NKD1: variants seen among roughly 807,000 people sequenced by gnomAD.
The protein encoded by NKD1 is protein naked cuticle homolog 1.
Under a neutral mutation model 56.0 loss-of-function variants are expected in NKD1, and 21 were observed. That is an observed-to-expected ratio of 0.38 (90% CI 0.27 to 0.54). The LOEUF (loss-of-function observed/expected upper bound fraction) is 0.54, where lower values mean the gene tolerates loss of function less well. Among genes scored for constraint, NKD1 ranks in the 20% least tolerant of loss-of-function variants. The pLI is 0.82. For synonymous variants in NKD1, 263 were observed against 265.7 expected, an observed-to-expected ratio of 0.99 and a Z score of 0.10; for missense variants, 578 against 642.7, an observed-to-expected ratio of 0.90 and a Z score of 1.09.
At chr16:50,591,118 C>T (rs1371507660) in intron 3 of NKD1, among the ~76,000 whole-genome samples, 3 of 152,268 alleles carry the variant, frequency 2.0e-5, no homozygotes, top group African/African-American at 7.2e-5. Flanking sequence ...TCACTGTGCC[C>T]GGCCAGAATG....
At chr16:50,574,269 C>T in intron 3 of NKD1, 2 of 985,368 alleles carry the variant, frequency 2.0e-6, no homozygotes, top group Non-Finnish European at 2.4e-6. Flanking sequence ...CCTAGGTACA[C>T]AGGCCTTGGA....
At position 50,622,761 on chromosome 16, in the gene NKD1, C is replaced by T. The variant is rs544351066; in HGVS notation, c.366+1053C>T. On this transcript the variant is annotated intron_variant, in intron 5 of 9. Coordinates refer to ENST00000268459, the MANE Select transcript of NKD1 (RefSeq NM_033119.5). Reference sequence around the variant, plus strand: ...CTTTCTCACCAATGCTGATTGGCACCGGCTAATTGCCAGGGTACCCAGCTT... The same window carrying T: ...CTTTCTCACCAATGCTGATTGGCACTGGCTAATTGCCAGGGTACCCAGCTT... 5.3e-5 allele frequency among the ~76,000 whole-genome samples: 8 copies of T among 152,154 alleles called. 1 individual carries two copies. The highest frequency in any genetic ancestry group is 4.1e-4 in the South Asian group (2 of 4,830).
intron 3 of NKD1, chr16:50,555,761 C>T (rs1181506615): frequency 6.6e-6 from 1 of 152,146 alleles, no homozygotes; most frequent in Non-Finnish European, 1.5e-5. Flanking sequence ...GTCCTGCAGC[C>T]CCATGGCTGC....
At chr16:50,629,620 A>G (rs986703452) in intron 6 of NKD1, among the ~76,000 whole-genome samples, 3 of 152,086 alleles carry the variant, frequency 2.0e-5, no homozygotes, top group African/African-American at 7.2e-5. Flanking sequence ...GGTTGGGCAC[A>G]GTGGCTCATG....
chr16:50,573,586 G>T (rs758716056), intron 3 of NKD1, among the ~76,000 whole-genome samples: 6 of 152,192 alleles, frequency 3.9e-5, no homozygotes, highest in African/African-American at 7.2e-5. Context: ...GCTGGGAGAG[G>T]GTCCCACCCT....
chr16:50,557,541 G>A (rs1167172035), intron 3 of NKD1: 1 of 152,182 alleles, frequency 6.6e-6, no homozygotes, highest in Non-Finnish European at 1.5e-5. Context: ...GGCTTTCTGA[G>A]CTTTGTAAAA....
Position 50,636,518 on chromosome 16 carries a change from C to T in NKD1, c.*2737C>T, listed in dbSNP as rs1962471092. 6.6e-6 allele frequency: 1 copy of T among 152,166 alleles called. No homozygotes were observed. Among genetic ancestry groups the T allele is most frequent in the Non-Finnish European group, 1.5e-5 (1 of 68,032 alleles). The allele number at this position is 152,166 out of a possible 1,614,324, so 9.4% of individuals were successfully genotyped here. A position where few individuals can be genotyped will look rare whatever the true frequency, so the allele number is the denominator to read the frequency against. On this transcript the variant is annotated 3_prime_UTR_variant, in exon 10 of 10. Coordinates refer to ENST00000268459, the MANE Select transcript of NKD1 (RefSeq NM_033119.5). ...GACTTTCTGGGTGTGGCCTAGGGCCCCTCAGTGTAATGTAGGGGTTGTGAG... is the reference window on the plus strand; with the variant it reads ...GACTTTCTGGGTGTGGCCTAGGGCCTCTCAGTGTAATGTAGGGGTTGTGAG...
intron 5 of NKD1, among the ~76,000 whole-genome samples, chr16:50,624,519 G>A (rs529761327): frequency 4.7e-4 from 71 of 152,354 alleles, no homozygotes; most frequent in African/African-American, 1.6e-3. Flanking sequence ...AAGCATGGGT[G>A]TAAAGGACAC....
rs1962462158 is a variant in NKD1 at position 50,636,141 on chromosome 16, TG to T, written c.*2364del. ...GCTGGACCAATCATGACATCCCAGA[TG>T]GGGTCACGTGGCCAACCTGCCGCAA... On this transcript the variant is annotated 3_prime_UTR_variant, in exon 10 of 10. Coordinates refer to ENST00000268459, the MANE Select transcript of NKD1 (RefSeq NM_033119.5). 6.6e-6 allele frequency: 1 copy of T among 152,394 alleles called. No homozygotes were observed. The highest frequency in any genetic ancestry group is 1.5e-5 in the Non-Finnish European group (1 of 68,110). The allele number at this position is 152,394 out of a possible 1,614,324, so 9.4% of individuals were successfully genotyped here. A position where few individuals can be genotyped will look rare whatever the true frequency, so the allele number is the denominator to read the frequency against.
chr16:50,630,119 T>A, intron 6 of NKD1, 67 bp from the exon 7 acceptor site: 6 of 1,502,948 alleles, frequency 4.0e-6, no homozygotes, highest in Non-Finnish European at 5.5e-6. Context: ...CACCAGGCCC[T>A]CTGGTTTGTA....
At chr16:50,550,090 G>T (rs1026972997) in intron 3 of NKD1, among the ~76,000 whole-genome samples, 1 of 151,984 alleles carries the variant, frequency 6.6e-6, no homozygotes. Flanking sequence ...CCCTTACTTG[G>T]CATATGAGAT....
intron 6 of NKD1, among the ~76,000 whole-genome samples, chr16:50,628,509 A>G (rs1451473422): frequency 1.3e-5 from 2 of 152,278 alleles, no homozygotes; most frequent in South Asian, 2.1e-4. Context: ...GAGGTTTCCA[A>G]TGCCATTTAA....
intron 7 of NKD1, 131 bp from the exon 8 acceptor site, chr16:50,630,695 C>T: frequency 1.1e-5 from 8 of 741,122 alleles, no homozygotes; most frequent in South Asian, 9.3e-5. Flanking sequence ...CTTGAGACCC[C>T]TTTATTTAGC....
rs1208982114 is a variant in NKD1, at chr16:50,639,995, C to G, written c.*6214C>G. The G allele has an allele frequency of 2.0e-5, 3 of 152,216 alleles. No individual in the cohort carries two copies. The highest frequency in any genetic ancestry group is 7.2e-5 in the African/African-American group (3 of 41,444). The allele number at this position is 152,216 out of a possible 1,614,324, so 9.4% of individuals were successfully genotyped here. On this transcript the variant is annotated 3_prime_UTR_variant, in exon 10 of 10. Transcript: ENST00000268459. Reference sequence around the variant, plus strand: ...GTCTCATTTTGCTGTACTGCAAACTCAGGCTTGGTTCCAAGCTTATGGGGG... The same window carrying G: ...GTCTCATTTTGCTGTACTGCAAACTGAGGCTTGGTTCCAAGCTTATGGGGG...
At chr16:50,560,823 C>CATCCATCT (rs1555487408) in intron 3 of NKD1, among the ~76,000 whole-genome samples, 1 of 148,546 alleles carries the variant, frequency 6.7e-6, no homozygotes, top group African/African-American at 2.5e-5. Context: ...TACCCAAACC[C>CATCCATCT]ATCTATCTAT....
At chr16:50,619,263 T>A (rs185346517) in intron 4 of NKD1, among the ~76,000 whole-genome samples, 20 of 152,108 alleles carry the variant, frequency 1.3e-4, no homozygotes, top group Admixed American at 1.2e-3. Context: ...ATTACTCTGG[T>A]TTCTCCGGTG....
Position 50,633,502 on chromosome 16 carries a change from G to A in NKD1, c.1134G>A (p.Val378=). The change falls in exon 10 of 10, where the codon GTG becomes GTA. Residue 378 remains valine (V), a synonymous_variant. Transcript: ENST00000268459. The surrounding 1 kb of genome is among the most constrained non-coding windows in gnomAD (Gnocchi z 4.9). ...CTCTGGGACCCGCCATCCCTGCGGT[G>A]TCCCCCTCCGCCCACCTGGCTGCCA... is the stretch of plus-strand genomic sequence containing the variant. ...KPPLGPAIPA[V]SPSAHLAASP... 6.2e-7 allele frequency: 1 copy of A among 1,610,312 alleles called. No individual in the cohort carries two copies.
chr16:50,633,381 C>T lies in NKD1; in HGVS notation c.1013C>T (p.Thr338Ile). Reference sequence around the variant, plus strand: ...GAGCTCCAGCAACGGCTCCGGGGCACCCAGGACGGGAGCAAGCACTTTGTG... The same window carrying T: ...GAGCTCCAGCAACGGCTCCGGGGCATCCAGGACGGGAGCAAGCACTTTGTG... ...VSELQQRLRG[T>I]QDGSKHFVRS... Residue 338 changes from threonine to isoleucine, a missense_variant, in exon 10 of 10, where the codon ACC becomes ATC. Coordinates refer to ENST00000268459, the MANE Select transcript of NKD1 (RefSeq NM_033119.5). The surrounding 1 kb of genome is among the most constrained non-coding windows in gnomAD (Gnocchi z 4.9). 6.2e-7 allele frequency: 1 copy of T among 1,614,078 alleles called. No homozygotes were observed. The highest frequency in any genetic ancestry group is 1.3e-5 in the African/African-American group (1 of 75,058).
In NKD1 at chr16:50,585,606, C is replaced by T. The variant is rs144115851; in HGVS notation, c.193-22688C>T. The stretch of plus-strand genomic sequence containing the variant: ...GGCCTTGCTGCCTCCAAGATCCAGC[C>T]GCCAAGCGTTTACCCAGGCAGGGCC... On this transcript the variant is annotated intron_variant, in intron 3 of 9. Transcript: ENST00000268459. 2.9e-4 allele frequency among the ~76,000 whole-genome samples: 44 copies of T among 152,306 alleles called. No individual in the cohort carries two copies. The East Asian group carries it at 8.3e-3, about 29-fold the overall frequency.
Sources: gnomAD v4.1 joint callset for allele counts (sites outside exome capture counted in the v4.1 genomes callset) on GRCh38, gnomAD v4.1.1 for gene constraint, Gnocchi (gnomAD v3.1) non-coding constraint, MANE v1.5 for transcripts, NCBI Gene and HGNC (gene_info 2026-07-23, HGNC 2026-07-21) for gene names.